Variants in ANKRD36C observed in about 807,000 individuals in gnomAD.
The protein encoded by ANKRD36C is ankyrin repeat domain-containing protein 36C.
Under a neutral mutation model 276.4 loss-of-function variants are expected in ANKRD36C, and 61 were observed. The observed-to-expected ratio is 0.22, with a 90% CI of 0.18 to 0.27. The LOEUF (loss-of-function observed/expected upper bound fraction) is 0.27, where lower values mean the gene tolerates loss of function less well. ANKRD36C is among the 10% of genes least tolerant of loss of function. The probability of loss-of-function intolerance (pLI) is 1.00; values close to 1 mark genes in which losing one functional copy is unlikely to be tolerated. For missense variants in ANKRD36C, 1,447 were observed against 2,032.3 expected (o/e 0.71, Z 5.54); for synonymous variants, 483 against 680.1 (o/e 0.71, Z 4.51).
At chr2:95,921,507 C>T (rs955444440) in intron 34 of ANKRD36C, 100 bp downstream of exon 34, 29 of 1,469,310 alleles carry the variant, frequency 2.0e-5, no homozygotes, top group South Asian at 7.7e-5. Context: ...TGTGCAGCTT[C>T]GGCGAGCCCC....
At chr2:95,980,844 T>C in intron 4 of ANKRD36C, 59 bp from the exon 5 acceptor site, 1 of 1,529,614 alleles carries the variant, frequency 6.5e-7, no homozygotes, top group East Asian at 2.5e-5. Context: ...TTAGTTTATA[T>C]ACTTTATCAA....
At chr2:95,869,116 T>C (rs1675745854) in intron 59 of ANKRD36C, among the ~76,000 whole-genome samples, 1 of 152,166 alleles carries the variant, frequency 6.6e-6, no homozygotes, top group Admixed American at 6.5e-5. Flanking sequence ...AATAACTTTA[T>C]CTTTAAATAA....
At chr2:95,978,384 G>C (rs993384721) in intron 5 of ANKRD36C, among the ~76,000 whole-genome samples, 195 bp from the exon 6 acceptor site, 1 of 152,044 alleles carries the variant, frequency 6.6e-6, no homozygotes, top group Admixed American at 6.6e-5. Flanking sequence ...CTCATGAAGT[G>C]AAGGCAGTAT....
intron 63 of ANKRD36C, 64 bp from the exon 84 acceptor site, chr2:95,853,925 A>G: frequency 6.5e-7 from 1 of 1,536,680 alleles, no homozygotes; most frequent in Non-Finnish European, 8.7e-7. Context: ...CATTAATAAT[A>G]TTTAACTCTA....
chr2:95,915,884 A>C, intron 38 of ANKRD36C, 96 bp downstream of exon 40: 1 of 1,439,508 alleles, frequency 6.9e-7, no homozygotes, highest in Non-Finnish European at 9.5e-7. Flanking sequence ...GTTGAATCAG[A>C]ATGTGCAGCT....
At chr2:95,863,980 T>C (rs1184761801) in intron 60 of ANKRD36C, among the ~76,000 whole-genome samples, 3 of 151,926 alleles carry the variant, frequency 2.0e-5, no homozygotes, top group Admixed American at 1.3e-4. Context: ...CTTGGGGTGA[T>C]TGTGATGTGT....
At chr2:95,896,089 A>C (rs1323621285) in intron 44 of ANKRD36C, among the ~76,000 whole-genome samples, 11 of 148,094 alleles carry the variant, frequency 7.4e-5, no homozygotes, top group African/African-American at 2.5e-4. Flanking sequence ...CACTTAACAT[A>C]TCTTCAGTGG....
chr2:95,936,206 C>G (rs1425964357), intron 22 of ANKRD36C, among the ~76,000 whole-genome samples: 1 of 151,116 alleles, frequency 6.6e-6, no homozygotes, highest in African/African-American at 2.4e-5. Context: ...TAAAACAAAT[C>G]TAACCAAAAT....
intron 42 of ANKRD36C, among the ~76,000 whole-genome samples, chr2:95,911,510 G>A (rs1451390362): frequency 6.6e-6 from 1 of 151,452 alleles, no homozygotes; most frequent in South Asian, 2.1e-4. Flanking sequence ...GGAAGCCAAC[G>A]TAGTCATATT....
intron 44 of ANKRD36C, among the ~76,000 whole-genome samples, chr2:95,894,443 T>C (rs899540433): frequency 4.0e-5 from 6 of 151,430 alleles, no homozygotes; most frequent in African/African-American, 1.5e-4. Context: ...CTTTGACATA[T>C]TTCTACAAAG....
chr2:95,966,605 C>T (rs1180418598), intron 6 of ANKRD36C, among the ~76,000 whole-genome samples: 1 of 152,096 alleles, frequency 6.6e-6, no homozygotes, highest in Non-Finnish European at 1.5e-5. Flanking sequence ...ATGATGCCTC[C>T]AAATTTGTTC....
chr2:95,964,585 C>CAAAA (rs1322255245), intron 6 of ANKRD36C, among the ~76,000 whole-genome samples: 1 of 151,998 alleles, frequency 6.6e-6, no homozygotes, highest in Non-Finnish European at 1.5e-5. Context: ...ATGTATCAGA[C>CAAAA]ACTTGACTAA....
At chr2:95,882,473 T>A (rs572502910) in exon 55 of ANKRD36C, 20 of 1,551,070 alleles carry the variant, frequency 1.3e-5, no homozygotes, top group Non-Finnish European at 1.7e-5. Flanking sequence ...AACTACCTTC[T>A]GGGCCGATTG....
chr2:95,881,618 A>T (rs1006620180), intron 56 of ANKRD36C, among the ~76,000 whole-genome samples: 1 of 152,188 alleles, frequency 6.6e-6, no homozygotes. Context: ...GTGATGTCTG[A>T]TACTAATAAA....
At chr2:95,973,633 G>C (rs1678742768) in intron 6 of ANKRD36C, among the ~76,000 whole-genome samples, 1 of 152,138 alleles carries the variant, frequency 6.6e-6, no homozygotes, top group African/African-American at 2.4e-5. Flanking sequence ...TCATAGAACA[G>C]GTCGAAAAGT....
chr2:95,916,849 A>C (rs1677112710), intron 36 of ANKRD36C, among the ~76,000 whole-genome samples: 1 of 151,690 alleles, frequency 6.6e-6, no homozygotes, highest in Non-Finnish European at 1.5e-5. Context: ...ATAATATTTT[A>C]GACTCGATAA....
chr2:95,921,457 T>C, intron 34 of ANKRD36C, 150 bp downstream of exon 34: 1 of 1,183,178 alleles, frequency 8.5e-7, no homozygotes, highest in Non-Finnish European at 1.2e-6. Context: ...CACCCAAGAA[T>C]TTATTACAAA....
chr2:95,987,351 G>A, intron 1 of ANKRD36C, 145 bp from the exon 2 acceptor site: 1 of 1,336,582 alleles, frequency 7.5e-7, no homozygotes, highest in Non-Finnish European at 1.0e-6. Context: ...GAAAGAGCAG[G>A]CTATTTAATA....
intron 38 of ANKRD36C, 137 bp downstream of exon 40, chr2:95,915,843 G>A: frequency 7.9e-7 from 1 of 1,259,232 alleles, no homozygotes; most frequent in Non-Finnish European, 1.1e-6. Flanking sequence ...CGTAACCCAA[G>A]AACTTATTAG....
Sources: gnomAD v4.1 joint callset for allele counts (sites outside exome capture counted in the v4.1 genomes callset) on GRCh38, gnomAD v4.1.1 for gene constraint, MANE v1.5 for transcripts, NCBI Gene and HGNC (gene_info 2026-07-23, HGNC 2026-07-21) for gene names.